The following EPS8 variants were observed in gnomAD, a reference collection of about 807,000 sequenced individuals.
EPS8 encodes the protein epidermal growth factor receptor kinase substrate 8.
A neutral mutation model predicts 103.8 loss-of-function variants in EPS8; 42 were observed. The ratio of observed to expected loss-of-function variants is 0.40; its 90% CI spans 0.32 to 0.52. EPS8 has a LOEUF of 0.52. EPS8 is among the 20% of genes least tolerant of loss of function. The pLI is 0.40. For missense variants in EPS8, 969 were observed against 1,005.1 expected (o/e 0.96, Z 0.49); for synonymous variants, 344 against 344.6 (o/e 1.00, Z 0.02).
rs1946679843 is a variant in EPS8, at chr12:15,728,539, A to G, written c.-21-45567T>C. 6.6e-6 allele frequency among the ~76,000 whole-genome samples: 1 copy of G among 152,228 alleles called. No individual in the cohort carries two copies. Among genetic ancestry groups the G allele is most frequent in the African/African-American group, 2.4e-5 (1 of 41,462 alleles). ...ACACTCTCCCGGGTGCTGAGTCATT[A>G]ATAGAATTTGAAGAGTCAGGCATTG... On this transcript the variant is annotated intron_variant, in intron 1 of 20. Transcript: ENST00000281172. This position sits in a 1 kb window ranked among gnomAD's most constrained non-coding sequence, Gnocchi z 4.5.
intron 1 of EPS8, among the ~76,000 whole-genome samples, chr12:15,739,648 C>G (rs1946800139): frequency 6.6e-6 from 1 of 152,118 alleles, no homozygotes; most frequent in South Asian, 2.1e-4. Context: ...GCTCTTGGGC[C>G]CTCAGCTTCC....
intron 7 of EPS8, 108 bp downstream of exon 7, chr12:15,666,332 T>C (rs1945709192): frequency 3.8e-6 from 3 of 789,342 alleles, no homozygotes; most frequent in Non-Finnish European, 6.2e-6. Flanking sequence ...TTATGATCTA[T>C]ACAATACAAT....
rs1042238225 is a variant in EPS8 at position 15,727,395 on chromosome 12, C to T, written c.-21-44423G>A. 3.9e-5 allele frequency among the ~76,000 whole-genome samples: 6 copies of T among 152,166 alleles called. No individual in the cohort carries two copies. Among genetic ancestry groups the T allele is most frequent in the Non-Finnish European group, 8.8e-5 (6 of 68,018 alleles). ...TTATCATCCCAAATTCATTGTTTTA[C>T]TTGTGTCCATCACTCCTCATTCTTG... On this transcript the variant is annotated intron_variant, in intron 1 of 20. Transcript: ENST00000281172. This position sits in a 1 kb window ranked among gnomAD's most constrained non-coding sequence, Gnocchi z 4.3.
Position 15,734,197 on chromosome 12 carries a change from G to C in EPS8, c.-21-51225C>G, listed in dbSNP as rs1201265825. 6.6e-6 allele frequency among the ~76,000 whole-genome samples: 1 copy of C among 152,134 alleles called. No homozygotes were observed. Among genetic ancestry groups the C allele is most frequent in the Non-Finnish European group, 1.5e-5 (1 of 68,018 alleles). Reference sequence around the variant, plus strand: ...ACAATGCCTTCAAAAATTTTCAAGTGATGTGTAGTTCTAAAAATGTCAATG... The same window carrying C: ...ACAATGCCTTCAAAAATTTTCAAGTCATGTGTAGTTCTAAAAATGTCAATG... On this transcript the variant is annotated intron_variant, in intron 1 of 20. Transcript: ENST00000281172. The surrounding 1 kb of genome is among the most constrained non-coding windows in gnomAD (Gnocchi z 4.1).
chr12:15,746,907 T>G (rs1286711118), intron 1 of EPS8, among the ~76,000 whole-genome samples: 4 of 152,206 alleles, frequency 2.6e-5, no homozygotes, highest in Non-Finnish European at 5.9e-5. Flanking sequence ...GTTACCATAG[T>G]GCCCTACTAA....
intron 12 of EPS8, chr12:15,657,781 G>T: frequency 3.8e-6 from 1 of 266,162 alleles, no homozygotes; most frequent in South Asian, 4.6e-5. Flanking sequence ...CAAGGCACTG[G>T]ATATTATATA....
rs745624346 is a variant in EPS8, at chr12:15,725,053, C to A, written c.-21-42081G>T. 6.6e-6 allele frequency among the ~76,000 whole-genome samples: 1 copy of A among 152,042 alleles called. No individual in the cohort carries two copies. Among genetic ancestry groups the A allele is most frequent in the Admixed American group, 6.5e-5 (1 of 15,274 alleles). ...AAATTCAACATCCACAGATCACTCA[C>A]TCCTAGGTATCTTGTTAGGAAAAAA... On this transcript the variant is annotated intron_variant, in intron 1 of 20. Transcript: ENST00000281172. This position sits in a 1 kb window ranked among gnomAD's most constrained non-coding sequence, Gnocchi z 4.5.
rs1031760896 is a variant in EPS8, at chr12:15,736,902, C to T, written c.-22+52259G>A. Among the ~76,000 whole-genome samples, 1 of 152,064 alleles carries T rather than the reference C, an allele frequency of 6.6e-6. No individual in the cohort carries two copies. Among genetic ancestry groups the T allele is most frequent in the African/African-American group, 2.4e-5 (1 of 41,418 alleles). On this transcript the variant is annotated intron_variant, in intron 1 of 20. Coordinates refer to ENST00000281172, the MANE Select transcript of EPS8 (RefSeq NM_004447.6). This position sits in a 1 kb window ranked among gnomAD's most constrained non-coding sequence, Gnocchi z 4.2. Reference sequence around the variant, plus strand: ...TATGAAGGATGGGATGTGCTCAATGCTTATAAGAAAAATTATCCTAAATAC... The same window carrying T: ...TATGAAGGATGGGATGTGCTCAATGTTTATAAGAAAAATTATCCTAAATAC...
intron 3 of EPS8, among the ~76,000 whole-genome samples, chr12:15,674,004 G>A (rs563322985): frequency 3.2e-4 from 48 of 152,206 alleles, no homozygotes; most frequent in African/African-American, 1.1e-3. Flanking sequence ...AACCAACGAT[G>A]AAAAATATTT....
At chr12:15,726,022 A>C (rs553542006) in intron 1 of EPS8, among the ~76,000 whole-genome samples, 2 of 152,354 alleles carry the variant, frequency 1.3e-5, no homozygotes, top group Admixed American at 6.5e-5. Flanking sequence ...CTTAAATATA[A>C]GATCAGAAGA....
At chr12:15,682,803 A>C in intron 2 of EPS8, 90 bp downstream of exon 2, 3 of 729,614 alleles carry the variant, frequency 4.1e-6, no homozygotes, top group Non-Finnish European at 7.0e-6. Context: ...CTACACAACG[A>C]AAGTAATCTT....
intron 1 of EPS8, among the ~76,000 whole-genome samples, chr12:15,712,346 A>G (rs1429479876): frequency 6.6e-6 from 1 of 152,228 alleles, no homozygotes; most frequent in Non-Finnish European, 1.5e-5. Context: ...CAAAGCCAAG[A>G]ACAACCTAAG....
rs1944853461 is a variant in EPS8 at position 15,621,009 on chromosome 12, A to G, written c.*308T>C. On this transcript the variant is annotated 3_prime_UTR_variant, in exon 21 of 21. Transcript: ENST00000281172. Reference sequence around the variant, plus strand: ...TGTTGCAGTGAATAACTCCACCACTATCAAAACAATTCCTGTTTATACCCT... The same window carrying G: ...TGTTGCAGTGAATAACTCCACCACTGTCAAAACAATTCCTGTTTATACCCT... The G allele has an allele frequency of 4.2e-6, 1 of 239,192 alleles. No homozygotes were observed. Among genetic ancestry groups the G allele is most frequent in the Admixed American group, 5.9e-5 (1 of 16,970 alleles). 14.8% of individuals were successfully genotyped at this position (239,192 alleles called of 1,614,324 possible).
At chr12:15,676,135 T>C (rs1591845028) in intron 3 of EPS8, among the ~76,000 whole-genome samples, 1 of 151,442 alleles carries the variant, frequency 6.6e-6, no homozygotes, top group Non-Finnish European at 1.5e-5. Context: ...TAGCCAGGCG[T>C]GGTGGCGGGC....
In EPS8 at chr12:15,701,292, C is replaced by G. The variant is rs1038178095; in HGVS notation, c.-21-18320G>C. On this transcript the variant is annotated intron_variant, in intron 1 of 20. Transcript: ENST00000281172. The surrounding 1 kb of genome is among the most constrained non-coding windows in gnomAD (Gnocchi z 5.1). ...GCATAACTCTAAAAGGCAGGTACTA[C>G]TTTTATCTCTAGTTTACAGATGAGG... Among the ~76,000 whole-genome samples the G allele has an allele frequency of 6.6e-6, 1 of 152,162 alleles. No individual in the cohort carries two copies. The highest frequency in any genetic ancestry group is 2.4e-5 in the African/African-American group (1 of 41,440).
rs957979803 is a variant in EPS8, at chr12:15,778,509, T to C, written c.-22+10652A>G. 3.9e-5 allele frequency among the ~76,000 whole-genome samples: 6 copies of C among 152,242 alleles called. No individual in the cohort carries two copies. The highest frequency in any genetic ancestry group is 7.3e-5 in the Non-Finnish European group (5 of 68,036). Reference sequence around the variant, plus strand: ...AACAAAACAAAAACACTGTAGTTTATGGTACACAGTACTTTTTTGAAAACA... The same window carrying C: ...AACAAAACAAAAACACTGTAGTTTACGGTACACAGTACTTTTTTGAAAACA... On this transcript the variant is annotated intron_variant, in intron 1 of 20. Transcript: ENST00000281172. The surrounding 1 kb of genome is among the most constrained non-coding windows in gnomAD (Gnocchi z 4.5).
rs79461590 is a variant in EPS8 at position 15,648,121 on chromosome 12, T to C, written c.1435-861A>G. ...CAGGCCTGCTGCTCACCTCCTGCAG[T>C]GAGGCACAGTTTCCAACAGGCCACG... On this transcript the variant is annotated intron_variant, in intron 14 of 20. Transcript: ENST00000281172. Among the ~76,000 whole-genome samples, 357 of 152,286 alleles carry C rather than the reference T, an allele frequency of 2.3e-3. 8 individuals are homozygous for C. The East Asian group carries it at 0.036, about 15-fold the overall frequency.
intron 1 of EPS8, chr12:15,683,185 A>T (rs146874631): frequency 1.4e-5 from 5 of 347,744 alleles, no homozygotes; most frequent in Admixed American, 5.0e-5. Flanking sequence ...ATATGCTAAA[A>T]TTATAAGCAG....
rs971039188 is a variant in EPS8, at chr12:15,701,855, G to C, written c.-21-18883C>G. Among the ~76,000 whole-genome samples the C allele has an allele frequency of 4.6e-5, 7 of 152,074 alleles. No homozygotes were observed. Among genetic ancestry groups the C allele is most frequent in the African/African-American group, 1.7e-4 (7 of 41,394 alleles). On this transcript the variant is annotated intron_variant, in intron 1 of 20. Transcript: ENST00000281172. This position sits in a 1 kb window ranked among gnomAD's most constrained non-coding sequence, Gnocchi z 5.1. The stretch of plus-strand genomic sequence containing the variant: ...CTTCAAAATAACAAGCAATTAAATG[G>C]GATCTTGCTGTTTGTTTCCTCTTGA...
Sources: allele counts gnomAD v4.1 joint callset (sites outside exome capture counted in the v4.1 genomes callset), GRCh38; gene constraint gnomAD v4.1.1; non-coding constraint Gnocchi (gnomAD v3.1); transcripts MANE v1.5; gene names NCBI Gene and HGNC (gene_info 2026-07-23, HGNC 2026-07-21).